AJAP1: variants seen among roughly 807,000 people sequenced by gnomAD.
The protein encoded by AJAP1 is adherens junctions associated protein 1.
In AJAP1, 5 loss-of-function variants were observed where a neutral mutation model predicts 35.0. That is an observed-to-expected ratio of 0.14 (90% CI 0.07 to 0.30). AJAP1 has a LOEUF of 0.30. Ranked by LOEUF, AJAP1 falls within the 10% of genes least tolerant of loss-of-function variation. The pLI, the probability that AJAP1 is intolerant of heterozygous loss-of-function variation, is 1.00. For synonymous variants in AJAP1, 284 were observed against 249.3 expected (o/e 1.14, Z -1.31); for missense variants, 586 against 571.0 (o/e 1.03, Z -0.27).
intron 5 of AJAP1, among the ~76,000 whole-genome samples, chr1:4,779,638 TA>T (rs982108381): frequency 6.6e-6 from 1 of 152,080 alleles, no homozygotes; most frequent in Admixed American, 6.5e-5. Context: ...CCATATGACT[TA>T]CGGTCCAACC....
rs1172084678 is a variant in AJAP1 at position 4,734,562 on chromosome 1, G to A, written c.829+21863G>A. Among the ~76,000 whole-genome samples, 2 of 152,174 alleles carry A rather than the reference G, an allele frequency of 1.3e-5. No individual in the cohort carries two copies. The highest frequency in any genetic ancestry group is 4.8e-5 in the African/African-American group (2 of 41,456). ...TTCTCCACCATCCCTTGGGCGTATG[G>A]TATTTTACAAAGTAGGAAGTGGAGA... On this transcript the variant is annotated intron_variant, in intron 2 of 5. Coordinates refer to ENST00000378191, the MANE Select transcript of AJAP1 (RefSeq NM_018836.4). This position sits in a 1 kb window ranked among gnomAD's most constrained non-coding sequence, Gnocchi z 4.3.
intron 1 of AJAP1, among the ~76,000 whole-genome samples, chr1:4,706,170 G>A (rs1318404632): frequency 2.0e-5 from 3 of 152,260 alleles, no homozygotes; most frequent in South Asian, 4.2e-4. Context: ...TTCCTGGGTG[G>A]GGCCTTCCAC....
At chr1:4,774,234 A>G (rs1313997870) in intron 4 of AJAP1, among the ~76,000 whole-genome samples, 193 bp from the exon 5 acceptor site, 3 of 152,174 alleles carry the variant, frequency 2.0e-5, no homozygotes, top group East Asian at 1.9e-4. Context: ...CAGGGTAGAA[A>G]GCATTCGTGT....
At chr1:4,670,355 G>A (rs185606682) in intron 1 of AJAP1, among the ~76,000 whole-genome samples, 19 of 152,296 alleles carry the variant, frequency 1.2e-4, no homozygotes, top group Admixed American at 1.2e-3. Context: ...AATTGCCCCG[G>A]GATGAATCTT....
rs1642262614 is a variant in AJAP1 at position 4,792,532 on chromosome 1, A to AG, written c.*10047_*10048insG. Reference sequence around the variant, plus strand: ...AAAAACATAATATGAAAAAAAAAAAAAAGAAGAGAAAAAAGAATTACCATG... The same window carrying AG: ...AAAAACATAATATGAAAAAAAAAAAAGAAGAAGAGAAAAAAGAATTACCATG... On this transcript the variant is annotated 3_prime_UTR_variant, in exon 6 of 6. Transcript: ENST00000378191. The AG allele has an allele frequency of 1.3e-5, 2 of 151,164 alleles. No homozygotes were observed. Among genetic ancestry groups the AG allele is most frequent in the Middle Eastern group, 3.2e-3 (1 of 316 alleles). 9.4% of individuals were successfully genotyped at this position (151,164 alleles called of 1,614,324 possible).
chr1:4,752,800 C>T (rs1256429144), intron 2 of AJAP1, among the ~76,000 whole-genome samples: 1 of 152,200 alleles, frequency 6.6e-6, no homozygotes, highest in Non-Finnish European at 1.5e-5. Context: ...TCTTGAAAGA[C>T]AACTATAGAA....
chr1:4,774,586 T>C (rs1266421354), intron 5 of AJAP1, 28 bp downstream of exon 5: 1 of 1,378,002 alleles, frequency 7.3e-7, no homozygotes, highest in African/African-American at 1.4e-5. Context: ...GACATTCCTG[T>C]TTTCGTTCCC....
At chr1:4,716,223 C>T (rs890763962) in intron 2 of AJAP1, among the ~76,000 whole-genome samples, 9 of 152,168 alleles carry the variant, frequency 5.9e-5, no homozygotes, top group Non-Finnish European at 1.3e-4. Flanking sequence ...TCAGGATTCA[C>T]CATACATATG....
At chr1:4,658,503 T>A (rs1638932386) in intron 1 of AJAP1, among the ~76,000 whole-genome samples, 1 of 152,184 alleles carries the variant, frequency 6.6e-6, no homozygotes, top group Non-Finnish European at 1.5e-5. Flanking sequence ...TCCGGGTGAA[T>A]CCTGGCTCGC....
intron 5 of AJAP1, among the ~76,000 whole-genome samples, chr1:4,775,650 T>C (rs1256074521): frequency 1.2e-4 from 18 of 152,178 alleles, no homozygotes; most frequent in Non-Finnish European, 7.3e-5. Flanking sequence ...ATGAACTGCA[T>C]GTTTGCTCCA....
intron 1 of AJAP1, among the ~76,000 whole-genome samples, chr1:4,708,436 C>G (rs114227328): frequency 0.021 from 3,210 of 152,260 alleles, 90 homozygotes; most frequent in South Asian, 0.12. Context: ...TGGTGCATGT[C>G]TGACAGTGCC....
At chr1:4,758,185 C>T (rs1178811011) in intron 2 of AJAP1, among the ~76,000 whole-genome samples, 1 of 152,132 alleles carries the variant, frequency 6.6e-6, no homozygotes, top group Non-Finnish European at 1.5e-5. Flanking sequence ...ATAAATTACC[C>T]AGTCTCAGTT....
intron 1 of AJAP1, among the ~76,000 whole-genome samples, chr1:4,662,903 T>C (rs930446105): frequency 2.0e-5 from 3 of 152,202 alleles, no homozygotes; most frequent in Admixed American, 6.5e-5. Context: ...TTAGAAGAAG[T>C]CCTATCTGGT....
Position 4,712,522 on chromosome 1 carries a change from G to T in AJAP1, c.652G>T (p.Ala218Ser). Reference sequence around the variant, plus strand: ...ACAAACACGGAAGACAACTGTGGCCGCCACCACCACCACCACCACCACGGC... The same window carrying T: ...ACAAACACGGAAGACAACTGTGGCCTCCACCACCACCACCACCACCACGGC... ...ILQTRKTTVA[A>S]TTTTTTTATP... Residue 218 changes from alanine (A) to serine (S), a missense_variant, in exon 2 of 6, where the codon GCC (alanine) becomes TCC (serine). By Grantham distance (99) the Ala-to-Ser change is moderately conservative. Coordinates refer to ENST00000378191, the MANE Select transcript of AJAP1 (RefSeq NM_018836.4). 1 of 1,609,942 alleles carries T rather than the reference G, an allele frequency of 6.2e-7. No individual in the cohort carries two copies. The highest frequency in any genetic ancestry group is 1.1e-5 in the South Asian group (1 of 90,488).
Position 4,783,844 on chromosome 1 carries a change from G to A in AJAP1, c.*1359G>A, listed in dbSNP as rs943552030. 1.1e-4 allele frequency: 17 copies of A among 152,106 alleles called. No individual in the cohort carries two copies. Among genetic ancestry groups the A allele is most frequent in the African/African-American group, 2.7e-4 (11 of 41,502 alleles). The allele number at this position is 152,106 out of a possible 1,614,324, so 9.4% of individuals were successfully genotyped here. A position where few individuals can be genotyped will look rare whatever the true frequency, so the allele number is the denominator to read the frequency against. The stretch of plus-strand genomic sequence containing the variant: ...AACTTAGACATACGTGAAGGGCCCC[G>A]GTTGGTTTGAAAACGAAAAATAGTC... On this transcript the variant is annotated 3_prime_UTR_variant, in exon 6 of 6. Transcript: ENST00000378191.
chr1:4,740,704 G>T (rs1462956268), intron 2 of AJAP1, among the ~76,000 whole-genome samples: 7 of 148,794 alleles, frequency 4.7e-5, no homozygotes, highest in African/African-American at 9.9e-5. Flanking sequence ...GAGAATGGCG[G>T]GAACCCGGGA....
At chr1:4,758,801 C>G (rs568572523) in intron 2 of AJAP1, among the ~76,000 whole-genome samples, 3 of 152,204 alleles carry the variant, frequency 2.0e-5, no homozygotes, top group Non-Finnish European at 4.4e-5. Flanking sequence ...GACAGCACAG[C>G]TCCCAGGACA....
intron 5 of AJAP1, among the ~76,000 whole-genome samples, chr1:4,778,599 C>G (rs866293016): frequency 6.6e-6 from 1 of 150,540 alleles, no homozygotes; most frequent in Non-Finnish European, 1.5e-5. Flanking sequence ...CTCTCTCTCT[C>G]TCTCTCTCTC....
At chr1:4,770,454 A>G (rs368335736) in intron 3 of AJAP1, among the ~76,000 whole-genome samples, 7 of 152,142 alleles carry the variant, frequency 4.6e-5, no homozygotes, top group East Asian at 1.9e-4. Context: ...GCCTTTGCCT[A>G]TTTCCTCCTA....
Sources: gnomAD v4.1 joint callset for allele counts (sites outside exome capture counted in the v4.1 genomes callset) on GRCh38, gnomAD v4.1.1 for gene constraint, Gnocchi (gnomAD v3.1) non-coding constraint, MANE v1.5 for transcripts, NCBI Gene and HGNC (gene_info 2026-07-23, HGNC 2026-07-21) for gene names.